The following ITFG2 variants were observed in gnomAD, a reference collection of about 807,000 sequenced individuals.
ITFG2 encodes the protein KICSTOR complex protein ITFG2.
A neutral mutation model predicts 54.4 loss-of-function variants in ITFG2; 36 were observed. That is an observed-to-expected ratio of 0.66 (90% CI 0.51 to 0.87). The LOEUF is 0.87. ITFG2 is among the 40% of genes least tolerant of loss of function. The probability of loss-of-function intolerance (pLI) is 0.00; values close to 1 mark genes in which losing one functional copy is unlikely to be tolerated. For missense variants in ITFG2, 524 were observed against 576.7 expected, an observed-to-expected ratio of 0.91 and a Z score of 0.94; for synonymous variants, 211 against 225.4, an observed-to-expected ratio of 0.94 and a Z score of 0.57.
chr12:2,842,551 C>G (rs972254806), intron 2 of ITFG2, among the ~76,000 whole-genome samples: 30 of 152,152 alleles, frequency 2.0e-4, no homozygotes, highest in Non-Finnish European at 3.8e-4. Flanking sequence ...GTGTGGGCAA[C>G]ATAGTGAGAG....
intron 5 of ITFG2, 64 bp from the exon 6 acceptor site, chr12:2,820,660 C>CCCCGGGGG: frequency 2.4e-6 from 3 of 1,227,968 alleles, no homozygotes; most frequent in Non-Finnish European, 3.5e-6. Context: ...CGCCCCCTGC[C>CCCCGGGGG]GTTCTCTGCA....
At chr12:2,855,107 G>C in intron 2 of ITFG2, 1 of 1,535,464 alleles carries the variant, frequency 6.5e-7, no homozygotes, top group South Asian at 1.2e-5. Context: ...GGGGGGATGG[G>C]GTGCTCCGTG....
At chr12:2,856,462 T>C (rs1053140084) in intron 2 of ITFG2, among the ~76,000 whole-genome samples, 2 of 152,038 alleles carry the variant, frequency 1.3e-5, no homozygotes. Context: ...ACCTCCCGGG[T>C]TCAAGTGATT....
chr12:2,848,894 CACA>C, intron 2 of ITFG2: 3 of 333,248 alleles, frequency 9.0e-6, no homozygotes, highest in African/African-American at 6.5e-5. Flanking sequence ...CACACACACA[CACA>C]CACACACACA....
intron 2 of ITFG2, among the ~76,000 whole-genome samples, chr12:2,850,887 G>A (rs917301704): frequency 1.3e-5 from 2 of 151,312 alleles, no homozygotes; most frequent in Non-Finnish European, 2.9e-5. Flanking sequence ...GGCCAGGCTG[G>A]TCTCGAACTC....
downstream of ITFG2, chr12:2,826,893 C>T (rs914358007): frequency 1.8e-5 from 17 of 942,772 alleles, no homozygotes; most frequent in Non-Finnish European, 1.9e-5. Context: ...CGACCCAGCC[C>T]AAGCAGGCAC....
At chr12:2,825,103 G>A (rs935484066), downstream of ITFG2, 29 of 152,180 alleles carry the variant, frequency 1.9e-4, no homozygotes, top group African/African-American at 6.5e-4. Context: ...GGTAAGTATT[G>A]TTTTGTTAGT....
chr12:2,834,305 G>T (rs1414606348), upstream of ITFG2, among the ~76,000 whole-genome samples: 1 of 152,170 alleles, frequency 6.6e-6, no homozygotes, highest in East Asian at 1.9e-4. Context: ...AGTCCTCCAG[G>T]CCCTCCTGGT....
chr12:2,817,909 C>G lies in ITFG2; in HGVS notation c.193C>G (p.Leu65Val). 6.2e-7 allele frequency: 1 copy of G among 1,613,828 alleles called. No individual in the cohort carries two copies. The highest frequency in any genetic ancestry group is 8.5e-7 in the Non-Finnish European group (1 of 1,179,904). The change falls in exon 3 of 12, where the codon CTG (leucine) becomes GTG (valine). Residue 65 changes from leucine to valine, a missense_variant and splice_region_variant. Physicochemically the swap from Leu to Val is conservative, Grantham distance 32. Transcript: ENST00000228799. ...PWLTCSCQGM[L>V]TCVGVGDVCN... ...CTGAGCCTCCCTTTCTCTCTTACAG[C>G]TGACTTGCGTTGGGGTTGGAGACGT...
At chr12:2,836,438 G>A (rs2098027966), upstream of ITFG2, among the ~76,000 whole-genome samples, 2 of 152,226 alleles carry the variant, frequency 1.3e-5, no homozygotes. Context: ...GTCTGACTCA[G>A]ACAGCTCCAA....
intron 2 of ITFG2, chr12:2,849,090 G>A: frequency 1.2e-6 from 1 of 832,764 alleles, no homozygotes; most frequent in Non-Finnish European, 1.8e-6. Context: ...GGTGGCTTGA[G>A]GCTGGGAGGA....
At chr12:2,813,041 G>A (rs2097912994) in intron 1 of ITFG2, 185 bp downstream of exon 1, 1 of 505,870 alleles carries the variant, frequency 2.0e-6, no homozygotes, top group Non-Finnish European at 3.6e-6. Context: ...TCCTTGGGAG[G>A]TTTTGTTTGT....
intron 1 of ITFG2, among the ~76,000 whole-genome samples, chr12:2,839,092 G>T (rs533859261): frequency 6.6e-6 from 1 of 152,094 alleles, no homozygotes; most frequent in Non-Finnish European, 1.5e-5. Flanking sequence ...AGGAGTTCGA[G>T]ACCAGCCTAA....
intron 2 of ITFG2, among the ~76,000 whole-genome samples, chr12:2,844,730 G>A (rs2098049527): frequency 6.6e-6 from 1 of 151,860 alleles, no homozygotes; most frequent in Non-Finnish European, 1.5e-5. Context: ...CCTAAGCTGT[G>A]GGCCTGCACT....
intron 3 of ITFG2, chr12:2,858,690 G>T: frequency 6.2e-7 from 1 of 1,614,174 alleles, no homozygotes; most frequent in East Asian, 2.2e-5. Context: ...AGGGCCCAGT[G>T]GGTCCTCGTC....
chr12:2,820,972 C>G, intron 6 of ITFG2, 100 bp downstream of exon 6: 1 of 1,278,878 alleles, frequency 7.8e-7, no homozygotes. Flanking sequence ...GTTGGCAGAG[C>G]TGCCTCATCT....
intron 10 of ITFG2, 73 bp from the exon 11 acceptor site, chr12:2,823,697 G>C: frequency 6.7e-7 from 1 of 1,482,676 alleles, no homozygotes; most frequent in Non-Finnish European, 9.0e-7. Context: ...TCGGAGGTCT[G>C]TGTCTTGCTG....
At chr12:2,847,400 TGTAATCCCA>T (rs1449247197) in intron 2 of ITFG2, among the ~76,000 whole-genome samples, 2 of 152,250 alleles carry the variant, frequency 1.3e-5, no homozygotes, top group East Asian at 3.9e-4. Flanking sequence ...GGCTCACGCC[TGTAATCCCA>T]GTAATTCCAG....
intron 1 of ITFG2, among the ~76,000 whole-genome samples, chr12:2,840,320 G>T (rs2098038014): frequency 6.6e-6 from 1 of 151,968 alleles, no homozygotes; most frequent in African/African-American, 2.4e-5. Context: ...GGGTGTGGTG[G>T]CTCATGCCTG....
Sources: gnomAD v4.1 joint callset for allele counts (sites outside exome capture counted in the v4.1 genomes callset) on GRCh38, gnomAD v4.1.1 for gene constraint, MANE v1.5 for transcripts, NCBI Gene and HGNC (gene_info 2026-07-23, HGNC 2026-07-21) for gene names.